The following PTPRD variants were observed in gnomAD, a reference collection of about 807,000 sequenced individuals.
The protein encoded by PTPRD is protein tyrosine phosphatase receptor type D, also known as receptor-type tyrosine-protein phosphatase delta.
In PTPRD, 34 loss-of-function variants were observed where a neutral mutation model predicts 214.5. That is an observed-to-expected ratio of 0.16 (90% CI 0.12 to 0.21). PTPRD has a LOEUF of 0.21. PTPRD is among the 10% of genes least tolerant of loss of function. The probability of loss-of-function intolerance (pLI) is 1.00; values close to 1 mark genes in which losing one functional copy is unlikely to be tolerated. For synonymous variants in PTPRD, 1,128 were observed against 845.7 expected, an observed-to-expected ratio of 1.33 and a Z score of -5.79; for missense variants, 2,545 against 2,398.7, an observed-to-expected ratio of 1.06 and a Z score of -1.27.
At chr9:9,588,912 G>A (rs1420659917) in intron 7 of PTPRD, among the ~76,000 whole-genome samples, 3 of 151,892 alleles carry the variant, frequency 2.0e-5, no homozygotes, top group Admixed American at 2.0e-4. Flanking sequence ...TCCATTTGGA[G>A]AAACTGTGAC....
intron 4 of PTPRD, among the ~76,000 whole-genome samples, chr9:9,953,684 C>G (rs2093652776): frequency 6.6e-6 from 1 of 152,072 alleles, no homozygotes; most frequent in Non-Finnish European, 1.5e-5. Flanking sequence ...TCACTGAGAT[C>G]CCCTCAGTCC....
chr9:8,662,485 T>C (rs2097082289), intron 12 of PTPRD, among the ~76,000 whole-genome samples: 1 of 152,150 alleles, frequency 6.6e-6, no homozygotes, highest in South Asian at 2.1e-4. Context: ...CTATAGTCTA[T>C]CTGTAGCCCA....
Position 10,511,980 on chromosome 9 carries a change from ATATATATACGTGTGTG to A in PTPRD, c.-600+100402_-600+100417del, listed in dbSNP as rs1365080917. On this transcript the variant is annotated intron_variant, in intron 2 of 45. Transcript: ENST00000381196. Reference sequence around the variant, plus strand: ...TATATATATATACGTGTGTGTGTATATATATATACGTGTGTGTATATATATATATACGTGTGTGTAT... The same window carrying A: ...TATATATATATACGTGTGTGTGTATATATATATATATATACGTGTGTGTAT... Among the ~76,000 whole-genome samples, 5 of 104,206 alleles carry A rather than the reference ATATATATACGTGTGTG, an allele frequency of 4.8e-5. 1 individual carries two copies. The highest frequency in any genetic ancestry group is 1.4e-4 in the African/African-American group (4 of 27,908). 68.4% of individuals were successfully genotyped at this position (104,206 alleles called of 152,430 possible).
chr9:8,553,614 T>C (rs1380808624), intron 14 of PTPRD, among the ~76,000 whole-genome samples: 1 of 152,180 alleles, frequency 6.6e-6, no homozygotes, highest in Non-Finnish European at 1.5e-5. Context: ...GGAGTATACC[T>C]TTATGACAGG....
intron 12 of PTPRD, among the ~76,000 whole-genome samples, chr9:8,706,363 G>A (rs79683853): frequency 1.3e-5 from 2 of 152,048 alleles, no homozygotes; most frequent in African/African-American, 4.8e-5. Context: ...GTAGTTATTG[G>A]ATTAGAGATT....
intron 3 of PTPRD, among the ~76,000 whole-genome samples, chr9:10,287,260 G>C (rs1422163587): frequency 1.3e-5 from 2 of 152,172 alleles, no homozygotes; most frequent in African/African-American, 2.4e-5. Context: ...TTTAGATAAA[G>C]ATTTCTCAAG....
chr9:9,499,082 T>C (rs2096305558), intron 8 of PTPRD, among the ~76,000 whole-genome samples: 1 of 152,046 alleles, frequency 6.6e-6, no homozygotes, highest in Admixed American at 6.6e-5. Context: ...TAGCACTAAA[T>C]TGTTTCTCAA....
chr9:8,530,194 C>T (rs1392390077), intron 14 of PTPRD, among the ~76,000 whole-genome samples: 1 of 152,040 alleles, frequency 6.6e-6, no homozygotes, highest in Non-Finnish European at 1.5e-5. Flanking sequence ...TGCCAGTCAA[C>T]AGCATGTGTT....
chr9:8,838,922 A>G (rs1043425752), intron 11 of PTPRD, among the ~76,000 whole-genome samples: 7 of 152,124 alleles, frequency 4.6e-5, no homozygotes, highest in Non-Finnish European at 1.0e-4. Flanking sequence ...GAGAAAAAAA[A>G]CCATCAACAG....
At chr9:10,043,615 T>G (rs948805548) in intron 3 of PTPRD, among the ~76,000 whole-genome samples, 2 of 151,818 alleles carry the variant, frequency 1.3e-5, no homozygotes, top group Admixed American at 1.3e-4. Flanking sequence ...ATAGTTTAGG[T>G]CCACAATTCA....
At chr9:8,645,514 C>T (rs1338214725) in intron 12 of PTPRD, among the ~76,000 whole-genome samples, 1 of 152,208 alleles carries the variant, frequency 6.6e-6, no homozygotes, top group East Asian at 1.9e-4. Context: ...TAGGCCTCAA[C>T]TCTCAATTCC....
intron 7 of PTPRD, among the ~76,000 whole-genome samples, chr9:9,725,393 C>T (rs189564471): frequency 6.6e-6 from 1 of 151,976 alleles, no homozygotes; most frequent in East Asian, 1.9e-4. Flanking sequence ...ATTGTAAGGC[C>T]TCCCCAGCTA....
At chr9:10,417,885 T>A (rs1260536188) in intron 2 of PTPRD, among the ~76,000 whole-genome samples, 1 of 151,680 alleles carries the variant, frequency 6.6e-6, no homozygotes, top group Admixed American at 6.6e-5. Flanking sequence ...TTTTAACATA[T>A]CTTCAGGACT....
At chr9:8,437,194 T>G in intron 34 of PTPRD, 1 of 1,522,956 alleles carries the variant, frequency 6.6e-7, no homozygotes, top group Non-Finnish European at 8.8e-7. Flanking sequence ...CAAGGAAAAC[T>G]AACTTGAAGA....
At chr9:9,253,227 C>T (rs2099976203) in intron 9 of PTPRD, among the ~76,000 whole-genome samples, 1 of 152,004 alleles carries the variant, frequency 6.6e-6, no homozygotes, top group Admixed American at 6.6e-5. Context: ...AAGCCAGGAT[C>T]ATGATATCTA....
intron 2 of PTPRD, among the ~76,000 whole-genome samples, chr9:10,573,122 C>T (rs1463720024): frequency 1.3e-5 from 2 of 152,036 alleles, no homozygotes; most frequent in East Asian, 3.9e-4. Flanking sequence ...GTCCCCAATA[C>T]GTGATGCCTC....
At chr9:8,611,933 A>G (rs1428735963) in intron 14 of PTPRD, among the ~76,000 whole-genome samples, 1 of 147,692 alleles carries the variant, frequency 6.8e-6, no homozygotes, top group Admixed American at 6.8e-5. Context: ...TTGTGAAAAG[A>G]AAAGAAAAGA....
chr9:9,575,717 C>CAAAAAAAAAAAAA (rs757614546), intron 7 of PTPRD, among the ~76,000 whole-genome samples: 72 of 33,316 alleles, frequency 2.2e-3, no homozygotes, highest in East Asian at 8.1e-3. Flanking sequence ...AAGACTGTCT[C>CAAAAAAAAAAAAA]AAAAAAAAAA....
At chr9:10,113,496 T>G (rs181626360) in intron 3 of PTPRD, among the ~76,000 whole-genome samples, 1 of 152,238 alleles carries the variant, frequency 6.6e-6, no homozygotes, top group Non-Finnish European at 1.5e-5. Flanking sequence ...TACCAGAGAC[T>G]TTGTATTAGA....
Sources: allele counts gnomAD v4.1 joint callset (sites outside exome capture counted in the v4.1 genomes callset), GRCh38; gene constraint gnomAD v4.1.1; transcripts MANE v1.5; gene names NCBI Gene and HGNC (gene_info 2026-07-23, HGNC 2026-07-21).